Variants in SSX3 observed in about 807,000 individuals in gnomAD.
SSX3 encodes SSX family member 3.
In SSX3, 6 loss-of-function variants were observed where a neutral mutation model predicts 14.8. The ratio of observed to expected loss-of-function variants is 0.41; its 90% CI spans 0.22 to 0.80. The LOEUF (loss-of-function observed/expected upper bound fraction) is 0.80. SSX3 is among the 30% of genes least tolerant of loss of function. SSX3 has a pLI of 0.34. For synonymous variants in SSX3, 55 were observed against 52.9 expected (o/e 1.04, Z -0.18); for missense variants, 163 against 152.2 (o/e 1.07, Z -0.37).
chrX:48,346,871 G>C lies in SSX3; in HGVS notation c.*169C>G, dbSNP rs1337554320. 1.1e-6 allele frequency: 1 copy of C among 874,208 alleles called. No homozygotes were observed. Among genetic ancestry groups the C allele is most frequent in the Non-Finnish European group, 1.6e-6 (1 of 607,665 alleles). 72.0% of individuals were successfully genotyped at this position (874,208 alleles called of 1,213,427 possible). On this transcript the variant is annotated 3_prime_UTR_variant, in exon 8 of 8. Transcript: ENST00000298396. ...AAAATACAATGGAAACGCTAATATC[G>C]TACTCTTGGCACACTAAGAAAAATG...
At chrX:48,355,534 T>C (rs2061283227) in intron 1 of SSX3, among the ~76,000 whole-genome samples, 2 of 111,017 alleles carry the variant, frequency 1.8e-5, no homozygotes, top group Admixed American at 1.9e-4. Flanking sequence ...TGGCTAATGT[T>C]GTTAGTAATT....
intron 7 of SSX3, 112 bp from the exon 8 acceptor site, chrX:48,347,147 C>T: frequency 1.0e-6 from 1 of 996,098 alleles, no homozygotes; most frequent in Non-Finnish European, 1.4e-6. Flanking sequence ...TCTGCCCTAT[C>T]TCAGGACCTG....
At position 48,354,879 on chromosome X, in the gene SSX3, A is replaced by G. The variant is rs782013987; in HGVS notation, c.70-133T>C. Reference sequence around the variant, plus strand: ...TCCTGGTTGATGCCACGGCTAACTGACAGAACATGAGGGACCTTCCTAGCT... The same window carrying G: ...TCCTGGTTGATGCCACGGCTAACTGGCAGAACATGAGGGACCTTCCTAGCT... On this transcript the variant is annotated intron_variant, in intron 2 of 7. Coordinates refer to ENST00000298396, the MANE Select transcript of SSX3 (RefSeq NM_021014.4). 4 of 1,193,800 alleles carry G rather than the reference A, an allele frequency of 3.4e-6. No individual in the cohort carries two copies. The African/African-American group carries it at 7.0e-5, about 21-fold the overall frequency.
intron 6 of SSX3, chrX:48,349,482 G>C: frequency 8.5e-7 from 1 of 1,173,777 alleles, no homozygotes; most frequent in Non-Finnish European, 1.2e-6. Flanking sequence ...AGACTACACT[G>C]TAGTGTAAAC....
At chrX:48,356,121 C>T (rs1346668965) in intron 1 of SSX3, among the ~76,000 whole-genome samples, 2 of 111,998 alleles carry the variant, frequency 1.8e-5, no homozygotes, top group Admixed American at 1.9e-4. Context: ...TGAGACCAGG[C>T]TCACAAACGT....
rs781944476 is a variant in SSX3, at chrX:48,350,059, G to A, written c.394C>T (p.Pro132Ser). ...VSKEVPEASGPQNDGKQLCPP... is the reference protein window; with the variant it reads ...VSKEVPEASGSQNDGKQLCPP... ...CACAGCTGTTTCCCATCGTTTTGTG[G>A]GCCAGATGCTTCTGGCACTTCCTTC... The change falls in exon 6 of 8, where the codon CCA (proline) becomes TCA (serine). Residue 132 changes from proline (P) to serine (S), a missense_variant. Pro to Ser is a moderately conservative substitution (Grantham distance 74, BLOSUM62 -1). Transcript: ENST00000298396. The A allele has an allele frequency of 8.3e-7, 1 of 1,211,554 alleles. No homozygotes were observed. The highest frequency in any genetic ancestry group is 1.8e-5 in the South Asian group (1 of 56,954).
At chrX:48,352,776 G>C (rs1210446814) in intron 4 of SSX3, among the ~76,000 whole-genome samples, 1 of 111,962 alleles carries the variant, frequency 8.9e-6, no homozygotes, top group African/African-American at 3.2e-5. Flanking sequence ...GAGTAGAAGA[G>C]CAAGTAAATA....
chrX:48,347,607 A>G lies in SSX3; in HGVS notation c.467-3T>C, dbSNP rs1315212266. 13 of 1,207,570 alleles carry G rather than the reference A, an allele frequency of 1.1e-5. No homozygotes were observed. The highest frequency in any genetic ancestry group is 1.8e-5 in the African/African-American group (1 of 57,035). On this transcript the variant is annotated splice_region_variant and splice_polypyrimidine_tract_variant and intron_variant, in intron 6 of 7. Coordinates refer to ENST00000298396, the MANE Select transcript of SSX3 (RefSeq NM_021014.4). ...GGCATGTTCCCCCCTTTTGGGTCCT[A>G]TGATGGAGAATAGTTGGAAAGTGAG...
At chrX:48,348,580 A>G in intron 6 of SSX3, 1 of 427,370 alleles carries the variant, frequency 2.3e-6, no homozygotes, top group Non-Finnish European at 4.2e-6. Context: ...TTAGTGAGGA[A>G]GCATGCTGAA....
intron 6 of SSX3, chrX:48,349,394 T>C: frequency 3.9e-6 from 3 of 766,672 alleles, no homozygotes; most frequent in Non-Finnish European, 3.6e-6. Flanking sequence ...CTCAGAAGAT[T>C]GTTAGCATTT....
intron 4 of SSX3, among the ~76,000 whole-genome samples, chrX:48,353,555 G>A (rs1312449520): frequency 4.5e-5 from 5 of 111,119 alleles, no homozygotes; most frequent in African/African-American, 1.6e-4. Flanking sequence ...AACCCAGGAG[G>A]TGAAAGTTGG....
At chrX:48,348,250 T>A (rs2146660678) in intron 6 of SSX3, 3 of 463,855 alleles carry the variant, frequency 6.5e-6, no homozygotes, top group East Asian at 7.8e-5. Flanking sequence ...ACAATCCATT[T>A]ATGCTCTTTT....
At position 48,354,636 on chromosome X, in the gene SSX3, T is replaced by C; in HGVS notation, c.180A>G (p.Lys60=). The C allele has an allele frequency of 8.3e-7, 1 of 1,204,883 alleles. No homozygotes were observed. The change falls in exon 3 of 8, where the codon AAA becomes AAG. Residue 60 remains lysine (K), a synonymous_variant. Transcript: ENST00000298396. The part of the protein sequence containing the change: ...YMKRKYEAMT[K]LGFKAILPSF... ...GTACCTAGAACTTTCTGTTACCTAG[T>C]TTAGTCATGGCCTCATACTTTCTCT...
rs782558451 is a variant in SSX3 at position 48,352,070 on chromosome X, T to C, written c.330+30A>G. On this transcript the variant is annotated intron_variant, in intron 5 of 7. Coordinates refer to ENST00000298396, the MANE Select transcript of SSX3 (RefSeq NM_021014.4). ...CGCATCCTTGGAGGGACAAAGGTTC[T>C]CTGGTCCTTTAGATCTGAAAGATAC... 2.3e-5 allele frequency: 27 copies of C among 1,199,816 alleles called. No homozygotes were observed. The Admixed American group carries it at 4.2e-4, about 18-fold the overall frequency.
chrX:48,347,566 G>A lies in SSX3; in HGVS notation c.505C>T (p.Arg169Cys). ...RGEHAWTHRL[R>C]ERKQLVIYEE... ...TAAATCACCAGCTGCTTTCTCTCAC[G>A]CAGTCTGTGGGTCCAGGCATGTTCC... Residue 169 changes from arginine (R) to cysteine (C), a missense_variant, in exon 7 of 8, where the codon CGT (arginine) becomes TGT (cysteine). Physicochemically the swap from Arg to Cys is radical, Grantham distance 180. Transcript: ENST00000298396. 1 of 1,209,977 alleles carries A rather than the reference G, an allele frequency of 8.3e-7. No individual in the cohort carries two copies. Among genetic ancestry groups the A allele is most frequent in the East Asian group, 3.0e-5 (1 of 33,843 alleles).
At chrX:48,349,909 C>G in intron 6 of SSX3, 78 bp downstream of exon 6, 1 of 1,195,983 alleles carries the variant, frequency 8.4e-7, no homozygotes, top group Non-Finnish European at 1.1e-6. Flanking sequence ...ATCTGGGATC[C>G]ATGCCACACA....
At chrX:48,354,275 C>T (rs1219945098) in intron 3 of SSX3, among the ~76,000 whole-genome samples, 181 bp from the exon 4 acceptor site, 1 of 97,817 alleles carries the variant, frequency 1.0e-5, no homozygotes, top group East Asian at 3.1e-4. Flanking sequence ...CAGATTCAGA[C>T]TGACTCAAAC....
chrX:48,346,838 A>G lies in SSX3; in HGVS notation c.*202T>C, dbSNP rs781925531. On this transcript the variant is annotated 3_prime_UTR_variant, in exon 8 of 8. Coordinates refer to ENST00000298396, the MANE Select transcript of SSX3 (RefSeq NM_021014.4). ...ATGTTAATATCTAACAGAATGACAC[A>G]CTTCAAGAAAATACAATGGAAACGC... is the stretch of plus-strand genomic sequence containing the variant. The G allele has an allele frequency of 4.5e-6, 3 of 673,353 alleles. No homozygotes were observed. Among genetic ancestry groups the G allele is most frequent in the South Asian group, 2.5e-5 (1 of 39,786 alleles). The allele number at this position is 673,353 out of a possible 1,213,427, so 55.5% of individuals were successfully genotyped here.
chrX:48,349,967 C>T lies in SSX3; in HGVS notation c.466+20G>A, dbSNP rs201250738. The T allele has an allele frequency of 8.3e-7, 1 of 1,208,822 alleles. No homozygotes were observed. Among genetic ancestry groups the T allele is most frequent in the East Asian group, 3.0e-5 (1 of 33,744 alleles). Reference sequence around the variant, plus strand: ...CGCCAGGGAAGCCAGTGGGATTGTTCCTGAATTGCTTCCTCTTACCAGATA... The same window carrying T: ...CGCCAGGGAAGCCAGTGGGATTGTTTCTGAATTGCTTCCTCTTACCAGATA... On this transcript the variant is annotated intron_variant, in intron 6 of 7. Coordinates refer to ENST00000298396, the MANE Select transcript of SSX3 (RefSeq NM_021014.4).
Sources: gnomAD v4.1 joint callset for allele counts (sites outside exome capture counted in the v4.1 genomes callset) on GRCh38, gnomAD v4.1.1 for gene constraint, MANE v1.5 for transcripts, NCBI Gene and HGNC (gene_info 2026-07-23, HGNC 2026-07-21) for gene names.